RIPOR2: variants seen among roughly 807,000 people sequenced by gnomAD.
RIPOR2 encodes the protein rho family-interacting cell polarization regulator 2.
RIPOR2 carries 39 observed loss-of-function variants against 114.5 expected under a neutral mutation model. The observed-to-expected ratio is 0.34, with a 90% confidence interval of 0.26 to 0.44. The LOEUF is 0.44. RIPOR2 is among the 20% of genes least tolerant of loss of function. The pLI is 1.00. For missense variants in RIPOR2, 1,007 were observed against 1,255.1 expected, an observed-to-expected ratio of 0.80 and a Z score of 2.99; for synonymous variants, 445 against 484.4, an observed-to-expected ratio of 0.92 and a Z score of 1.07.
chr6:24,807,420 C>T (rs1002201924), intron 21 of RIPOR2, among the ~76,000 whole-genome samples: 3 of 152,156 alleles, frequency 2.0e-5, no homozygotes, highest in South Asian at 2.1e-4. Flanking sequence ...TGCAATGAGA[C>T]GAGATTGCAT....
intron 1 of RIPOR2, among the ~76,000 whole-genome samples, chr6:25,011,263 A>C (rs1190235566): frequency 6.6e-6 from 1 of 152,170 alleles, no homozygotes; most frequent in African/African-American, 2.4e-5. Context: ...ATGTATATGT[A>C]CATGTAGGTA....
At chr6:24,808,284 A>G (rs1341765027) in intron 21 of RIPOR2, among the ~76,000 whole-genome samples, 1 of 152,206 alleles carries the variant, frequency 6.6e-6, no homozygotes, top group African/African-American at 2.4e-5. Flanking sequence ...CTTAGGTTAC[A>G]CTGGAAATAG....
At chr6:24,923,864 TA>T (rs1441032193) in intron 1 of RIPOR2, among the ~76,000 whole-genome samples, 1 of 151,660 alleles carries the variant, frequency 6.6e-6, no homozygotes, top group African/African-American at 2.4e-5. Flanking sequence ...ATAAAATAAA[TA>T]AATAAATAAA....
chr6:24,963,538 T>C (rs1773397058), intron 1 of RIPOR2, among the ~76,000 whole-genome samples: 1 of 152,182 alleles, frequency 6.6e-6, no homozygotes, highest in South Asian at 2.1e-4. Context: ...AATGGACACA[T>C]ATATGTACAT....
chr6:24,897,624 A>C (rs536308419), intron 1 of RIPOR2, among the ~76,000 whole-genome samples: 1 of 152,350 alleles, frequency 6.6e-6, no homozygotes, highest in African/African-American at 2.4e-5. Context: ...AAGTTCGTCT[A>C]AACTTTACAT....
chr6:25,031,621 T>C (rs1273432594), intron 1 of RIPOR2, among the ~76,000 whole-genome samples: 2 of 146,492 alleles, frequency 1.4e-5, no homozygotes, highest in East Asian at 4.0e-4. Context: ...CTGCAATTTA[T>C]TTTTAAAGCA....
At chr6:24,879,874 G>A (rs1766189118) in intron 1 of RIPOR2, among the ~76,000 whole-genome samples, 1 of 152,148 alleles carries the variant, frequency 6.6e-6, no homozygotes, top group Non-Finnish European at 1.5e-5. Flanking sequence ...CAAAGACCTG[G>A]TCTGTCCCCA....
At chr6:25,003,307 T>A (rs377678270) in intron 1 of RIPOR2, among the ~76,000 whole-genome samples, 14 of 152,050 alleles carry the variant, frequency 9.2e-5, no homozygotes, top group African/African-American at 3.1e-4. Flanking sequence ...GTAAGAGGTA[T>A]CTCAAGATTT....
intron 1 of RIPOR2, among the ~76,000 whole-genome samples, chr6:24,971,283 G>A (rs529977130): frequency 6.6e-6 from 1 of 152,214 alleles, no homozygotes; most frequent in Non-Finnish European, 1.5e-5. Context: ...AGAAGACTTC[G>A]ATCAGGGAGA....
chr6:24,921,273 C>G (rs1003836098), intron 1 of RIPOR2, among the ~76,000 whole-genome samples: 2 of 151,992 alleles, frequency 1.3e-5, no homozygotes, highest in African/African-American at 4.8e-5. Flanking sequence ...AGCAGTTCTC[C>G]TGTCTCAGCC....
At chr6:24,956,558 A>G (rs1773052641) in intron 1 of RIPOR2, among the ~76,000 whole-genome samples, 1 of 152,226 alleles carries the variant, frequency 6.6e-6, no homozygotes, top group African/African-American at 2.4e-5. Flanking sequence ...AATCCTCATG[A>G]CACGCTAGGT....
intron 1 of RIPOR2, among the ~76,000 whole-genome samples, chr6:24,968,850 G>A (rs1242587960): frequency 6.6e-6 from 1 of 152,130 alleles, no homozygotes; most frequent in Non-Finnish European, 1.5e-5. Context: ...GAATTATGCA[G>A]CCCAAACTGT....
At chr6:24,997,160 T>C (rs1044837067) in intron 1 of RIPOR2, among the ~76,000 whole-genome samples, 7 of 152,192 alleles carry the variant, frequency 4.6e-5, no homozygotes, top group Non-Finnish European at 8.8e-5. Context: ...CACACAACAA[T>C]GAAATCAGAA....
intron 16 of RIPOR2, among the ~76,000 whole-genome samples, 178 bp from the exon 17 acceptor site, chr6:24,830,848 A>G (rs1760620182): frequency 6.6e-6 from 1 of 151,982 alleles, no homozygotes; most frequent in South Asian, 2.1e-4. Flanking sequence ...CCCAAGTAGC[A>G]GGGATTACAA....
chr6:25,038,336 TATG>T (rs1416307026), intron 1 of RIPOR2, among the ~76,000 whole-genome samples: 1 of 152,226 alleles, frequency 6.6e-6, no homozygotes, highest in Non-Finnish European at 1.5e-5. Context: ...TGGGTATAAA[TATG>T]ATGAGATTTT....
chr6:25,029,611 G>A (rs1776821379), intron 1 of RIPOR2, among the ~76,000 whole-genome samples: 1 of 151,868 alleles, frequency 6.6e-6, no homozygotes, highest in Admixed American at 6.6e-5. Context: ...GGGACCCTCC[G>A]TGCCCCACAT....
chr6:24,831,491 T>A (rs1760687676), intron 16 of RIPOR2, among the ~76,000 whole-genome samples: 1 of 152,052 alleles, frequency 6.6e-6, no homozygotes, highest in Non-Finnish European at 1.5e-5. Flanking sequence ...TGTGTCATGA[T>A]CATGAGGAGG....
At chr6:24,885,613 C>A (rs1165216444) in intron 1 of RIPOR2, among the ~76,000 whole-genome samples, 1 of 152,218 alleles carries the variant, frequency 6.6e-6, no homozygotes, top group Non-Finnish European at 1.5e-5. Context: ...AATCTGCACT[C>A]AGTTTGGGTT....
intron 1 of RIPOR2, among the ~76,000 whole-genome samples, chr6:25,009,318 C>G (rs540869387): frequency 7.5e-4 from 115 of 152,354 alleles, no homozygotes; most frequent in African/African-American, 2.6e-3. Flanking sequence ...AGCAGTTTCT[C>G]TGAATTCACT....
Sources: gnomAD v4.1 joint callset for allele counts (sites outside exome capture counted in the v4.1 genomes callset) on GRCh38, gnomAD v4.1.1 for gene constraint, MANE v1.5 for transcripts, NCBI Gene and HGNC (gene_info 2026-07-23, HGNC 2026-07-21) for gene names.